Variants in CD300E observed in about 807,000 individuals in gnomAD.
CD300E encodes the protein CMRF35-like molecule 2.
In CD300E, 14 loss-of-function variants were observed where a neutral mutation model predicts 20.9. The observed-to-expected ratio is 0.67, with a 90% CI of 0.44 to 1.05. The LOEUF is 1.05. Ranked by LOEUF, CD300E falls within the 50% of genes least tolerant of loss-of-function variation. The probability of loss-of-function intolerance (pLI) is 0.00; values close to 1 mark genes in which losing one functional copy is unlikely to be tolerated. For missense variants in CD300E, 237 were observed against 253.9 expected, an observed-to-expected ratio of 0.93 and a Z score of 0.45; for synonymous variants, 102 against 103.7, an observed-to-expected ratio of 0.98 and a Z score of 0.10.
In CD300E at chr17:74,610,602, T is replaced by A. The variant is rs901877472; in HGVS notation, c.*2051A>T. ...GACTTTGCTACATCTGCTAGGCAAG[T>A]CCTCCTAAAGCACATCTGCAATCCC... On this transcript the variant is annotated 3_prime_UTR_variant, in exon 4 of 4. Coordinates refer to ENST00000392619, the MANE Select transcript of CD300E (RefSeq NM_181449.3). The A allele has an allele frequency of 6.6e-6, 1 of 152,218 alleles. No individual in the cohort carries two copies. Among genetic ancestry groups the A allele is most frequent in the Non-Finnish European group, 1.5e-5 (1 of 68,054 alleles). The allele number at this position is 152,218 out of a possible 1,614,324, so 9.4% of individuals were successfully genotyped here. A position where few individuals can be genotyped will look rare whatever the true frequency, so the allele number is the denominator to read the frequency against.
At chr17:74,622,120 G>A (rs2031036008) in intron 1 of CD300E, among the ~76,000 whole-genome samples, 1 of 151,188 alleles carries the variant, frequency 6.6e-6, no homozygotes, top group South Asian at 2.1e-4. Flanking sequence ...TGCTTATTTT[G>A]TATTTGAATT....
intron 1 of CD300E, among the ~76,000 whole-genome samples, chr17:74,620,467 T>C (rs1291283513): frequency 6.6e-6 from 1 of 151,584 alleles, no homozygotes; most frequent in East Asian, 1.9e-4. Context: ...GAGACTCCAT[T>C]TAAAAATAAT....
chr17:74,617,377 C>A lies in CD300E; in HGVS notation c.129G>T (p.Lys43Asn). 6.2e-7 allele frequency: 1 copy of A among 1,614,174 alleles called. No individual in the cohort carries two copies. Among genetic ancestry groups the A allele is most frequent in the Non-Finnish European group, 8.5e-7 (1 of 1,180,044 alleles). ...TVWCQYESMY[K>N]GYNKYWCRGQ... is the part of the protein sequence containing the mutation. ...CTCGGCACCAGTACTTGTTATATCC[C>A]TTGTACATGCTCTCATACTGACACC... Residue 43 changes from lysine (K) to asparagine (N), a missense_variant, in exon 2 of 4, where the codon AAG becomes AAT. By Grantham distance (94) the Lys-to-Asn change is moderately conservative. Coordinates refer to ENST00000392619, the MANE Select transcript of CD300E (RefSeq NM_181449.3).
Position 74,611,934 on chromosome 17 carries a change from G to C in CD300E, c.*719C>G, listed in dbSNP as rs2030786287. 1.3e-5 allele frequency: 2 copies of C among 152,362 alleles called. No homozygotes were observed. Among genetic ancestry groups the C allele is most frequent in the African/African-American group, 2.4e-5 (1 of 41,456 alleles). 9.4% of individuals were successfully genotyped at this position (152,362 alleles called of 1,614,324 possible). ...AGACCCAAGGGGCGTCAGAAGACGA[G>C]AGGAGCCCTGAGCATGTGGGACACT... On this transcript the variant is annotated 3_prime_UTR_variant, in exon 4 of 4. Coordinates refer to ENST00000392619, the MANE Select transcript of CD300E (RefSeq NM_181449.3).
At chr17:74,615,999 T>C (rs2030890912) in intron 2 of CD300E, among the ~76,000 whole-genome samples, 1 of 152,040 alleles carries the variant, frequency 6.6e-6, no homozygotes, top group Non-Finnish European at 1.5e-5. Context: ...GGTGGGAGGA[T>C]CACGAGCCCA....
intron 2 of CD300E, among the ~76,000 whole-genome samples, chr17:74,616,679 G>C (rs1442945445): frequency 2.6e-5 from 4 of 152,176 alleles, no homozygotes; most frequent in Non-Finnish European, 5.9e-5. Context: ...GGGGGAGTAA[G>C]AGAAAGAGTA....
chr17:74,622,936 C>T (rs1222931102), intron 1 of CD300E, among the ~76,000 whole-genome samples: 1 of 152,126 alleles, frequency 6.6e-6, no homozygotes, highest in Non-Finnish European at 1.5e-5. Context: ...CAGGGTTTCA[C>T]CATGTTGGCC....
chr17:74,617,262 G>T lies in CD300E; in HGVS notation c.244C>A (p.Pro82Thr), dbSNP rs761098998. Residue 82 changes from proline (P) to threonine (T), a missense_variant, in exon 2 of 4, where the codon CCG becomes ACG. Physicochemically the swap from Pro to Thr is conservative, Grantham distance 38. Coordinates refer to ENST00000392619, the MANE Select transcript of CD300E (RefSeq NM_181449.3). The stretch of plus-strand genomic sequence containing the variant: ...GTCACAGTGAAGGCGAGAGCCTCCG[G>T]GTGGTCTCTGATGGACACGCGGCCA... ...RNGRVSIRDH[P>T]EALAFTVTMQ... The T allele has an allele frequency of 6.2e-7, 1 of 1,614,048 alleles. No homozygotes were observed. Among genetic ancestry groups the T allele is most frequent in the Non-Finnish European group, 8.5e-7 (1 of 1,180,038 alleles).
intron 2 of CD300E, among the ~76,000 whole-genome samples, chr17:74,616,104 G>A (rs572594554): frequency 2.2e-4 from 33 of 152,054 alleles, no homozygotes; most frequent in African/African-American, 5.8e-4. Context: ...AAAAGAAAAT[G>A]TGATCTATTG....
At chr17:74,614,127 A>T in intron 2 of CD300E, 94 bp from the exon 3 acceptor site, 1 of 997,096 alleles carries the variant, frequency 1.0e-6, no homozygotes, top group Non-Finnish European at 1.5e-6. Context: ...ACCCACTCAC[A>T]GAAGAGGCTG....
intron 2 of CD300E, among the ~76,000 whole-genome samples, chr17:74,616,445 A>T (rs1224708781): frequency 6.6e-6 from 1 of 152,188 alleles, no homozygotes; most frequent in Non-Finnish European, 1.5e-5. Flanking sequence ...TATTCATTAA[A>T]GCCTGCCAAG....
intron 1 of CD300E, among the ~76,000 whole-genome samples, chr17:74,621,961 T>C (rs1235968148): frequency 6.6e-6 from 1 of 152,128 alleles, no homozygotes. Flanking sequence ...TTGCTCTTTT[T>C]AAATTTTTTA....
rs2030762047 is a variant in CD300E, at chr17:74,610,914, T to A, written c.*1739A>T. 6.6e-6 allele frequency: 1 copy of A among 152,424 alleles called. No homozygotes were observed. Among genetic ancestry groups the A allele is most frequent in the Non-Finnish European group, 1.5e-5 (1 of 68,098 alleles). 9.4% of individuals were successfully genotyped at this position (152,424 alleles called of 1,614,324 possible). A position where few individuals can be genotyped will look rare whatever the true frequency, so the allele number is the denominator to read the frequency against. ...TTATGCTGTTTCTCTGTCCTCTCTC[T>A]CTCCCTGTTGCTCCATCCCTGCTCC... On this transcript the variant is annotated 3_prime_UTR_variant, in exon 4 of 4. Transcript: ENST00000392619.
chr17:74,613,973 T>C lies in CD300E; in HGVS notation c.449A>G (p.Asn150Ser), dbSNP rs1318097920. ...CCCGGTGCTGAGGTTTCGCCCAGGG[T>C]TCACCACCAGGAAGATGGGAGGTGT... ...PATPPIFLVVNPGRNLSTGEV... is the reference protein window; with the variant it reads ...PATPPIFLVVSPGRNLSTGEV... The change falls in exon 3 of 4, where the codon AAC (asparagine) becomes AGC (serine). Residue 150 changes from asparagine to serine, a missense_variant. Coordinates refer to ENST00000392619, the MANE Select transcript of CD300E (RefSeq NM_181449.3). 5 of 1,613,874 alleles carry C rather than the reference T, an allele frequency of 3.1e-6. No homozygotes were observed. In the Admixed American group the frequency reaches 6.7e-5, roughly 22 times the overall value.
chr17:74,612,717 A>T lies in CD300E; in HGVS notation c.554T>A (p.Leu185His), dbSNP rs1277785083. Residue 185 changes from leucine to histidine, a missense_variant, in exon 4 of 4, where the codon CTC becomes CAC. Physicochemically the swap from Leu to His is moderately conservative, Grantham distance 99 (BLOSUM62 -3). Transcript: ENST00000392619. ...LLVVLLKLPL[L>H]LSMLGAVFWV... ...GAAGACAGCACCCAGCATGCTCAGGAGCAGGGGCAGCTTCAGAAGGACCAC... is the reference window on the plus strand; with the variant it reads ...GAAGACAGCACCCAGCATGCTCAGGTGCAGGGGCAGCTTCAGAAGGACCAC... The T allele has an allele frequency of 6.2e-7, 1 of 1,613,964 alleles. No homozygotes were observed. The highest frequency in any genetic ancestry group is 8.5e-7 in the Non-Finnish European group (1 of 1,179,972).
Position 74,617,407 on chromosome 17 carries a change from T to A in CD300E, c.99A>T (p.Thr33=), listed in dbSNP as rs752533093. ...SVTGTAGDSL[T]VWCQYESMYK... is the part of the protein sequence containing the mutation. ...ACATGCTCTCATACTGACACCACAC[T>A]GTCAGAGAGTCCCCCGCAGTGCCAG... Residue 33 remains threonine, a synonymous_variant, in exon 2 of 4, where the codon ACA becomes ACT. Transcript: ENST00000392619. 20 of 1,613,940 alleles carry A rather than the reference T, an allele frequency of 1.2e-5. No individual in the cohort carries two copies. The highest frequency in any genetic ancestry group is 1.7e-5 in the Non-Finnish European group (20 of 1,180,014).
Position 74,612,323 on chromosome 17 carries a change from C to T in CD300E, c.*330G>A, listed in dbSNP as rs143547794. On this transcript the variant is annotated 3_prime_UTR_variant, in exon 4 of 4. Coordinates refer to ENST00000392619, the MANE Select transcript of CD300E (RefSeq NM_181449.3). The stretch of plus-strand genomic sequence containing the variant: ...TGCCCAGGCTGGCCTGGAACTCTTA[C>T]GTTCAGCCGATCCTCCTGCCTCAGC... 36 of 186,186 alleles carry T rather than the reference C, an allele frequency of 1.9e-4. No individual in the cohort carries two copies. The highest frequency in any genetic ancestry group is 7.1e-4 in the South Asian group (6 of 8,496). The allele number at this position is 186,186 out of a possible 1,614,324, so 11.5% of individuals were successfully genotyped here.
chr17:74,617,305 T>A lies in CD300E; in HGVS notation c.201A>T (p.Glu67Asp). 6.2e-7 allele frequency: 1 copy of A among 1,614,218 alleles called. No individual in the cohort carries two copies. Among genetic ancestry groups the A allele is most frequent in the Non-Finnish European group, 8.5e-7 (1 of 1,180,040 alleles). The change falls in exon 2 of 4, where the codon GAA becomes GAT. Residue 67 changes from glutamate (E) to aspartate (D), a missense_variant. Physicochemically the swap from Glu to Asp is conservative, Grantham distance 45. Transcript: ENST00000392619. The part of the protein sequence containing the change: ...SCESIVETKG[E>D]EKVERNGRVS... ...CGCGGCCATTCCTCTCCACCTTCTC[T>A]TCTCCCTTGGTCTCCACAATGCTCT...
intron 1 of CD300E, among the ~76,000 whole-genome samples, chr17:74,620,944 G>A (rs1302457238): frequency 6.6e-6 from 1 of 151,968 alleles, no homozygotes; most frequent in Non-Finnish European, 1.5e-5. Flanking sequence ...TCGGGAGGCC[G>A]AGGCACGAGA....
Sources: allele counts gnomAD v4.1 joint callset (sites outside exome capture counted in the v4.1 genomes callset), GRCh38; gene constraint gnomAD v4.1.1; transcripts MANE v1.5; gene names NCBI Gene and HGNC (gene_info 2026-07-23, HGNC 2026-07-21).